Variants in CACHD1 observed in about 807,000 individuals in gnomAD.
CACHD1 encodes the protein VWFA and cache domain-containing protein 1.
In CACHD1, 71 loss-of-function variants were observed where a neutral mutation model predicts 138.7. That is an observed-to-expected ratio of 0.51 (90% confidence interval 0.42 to 0.62). The LOEUF (loss-of-function observed/expected upper bound fraction) is 0.62, where lower values mean the gene tolerates loss of function less well. Among genes scored for constraint, CACHD1 ranks in the 20% least tolerant of loss-of-function variants. CACHD1 has a pLI of 0.00. For missense variants in CACHD1, 1,389 were observed against 1,625.3 expected, an observed-to-expected ratio of 0.85 and a Z score of 2.50; for synonymous variants, 578 against 591.5, an observed-to-expected ratio of 0.98 and a Z score of 0.33.
intron 26 of CACHD1, among the ~76,000 whole-genome samples, chr1:64,686,151 C>T (rs1170015946): frequency 6.6e-6 from 1 of 152,174 alleles, no homozygotes. Context: ...GGCCCTTGAA[C>T]TGGTAGGATT....
rs776986730 is a variant in CACHD1 at position 64,582,198 on chromosome 1, G to A, written c.304G>A (p.Val102Met). Residue 102 changes from valine to methionine, a missense_variant, in exon 3 of 27, where the codon GTG (valine) becomes ATG (methionine). Physicochemically the swap from Val to Met is conservative, Grantham distance 21. Around this residue, in one of 5 missense-constraint regions of CACHD1, gnomAD observed 1,000 missense variants for 1,114.7 expected, o/e 0.90. Transcript: ENST00000651257. ...AGAGAAGTTCAACCGTTACTTGGAT[G>A]TGGTCAATCGGAACAAGCAAGTTGT... ...IREKFNRYLD[V>M]VNRNKQVVEA... 6 of 1,613,906 alleles carry A rather than the reference G, an allele frequency of 3.7e-6. No homozygotes were observed. The South Asian group carries it at 6.6e-5, about 18-fold the overall frequency.
intron 1 of CACHD1, among the ~76,000 whole-genome samples, chr1:64,548,077 A>G (rs969124942): frequency 6.6e-6 from 1 of 152,230 alleles, no homozygotes; most frequent in Non-Finnish European, 1.5e-5. Context: ...TTAAGATAAT[A>G]AATGAGTAAA....
At chr1:64,609,673 T>A (rs1037246151) in intron 4 of CACHD1, among the ~76,000 whole-genome samples, 50 of 152,208 alleles carry the variant, frequency 3.3e-4, no homozygotes, top group African/African-American at 1.2e-3. Flanking sequence ...ACACAACATA[T>A]GTATATAAAT....
intron 14 of CACHD1, chr1:64,664,152 G>T: frequency 2.2e-6 from 1 of 454,212 alleles, no homozygotes. Flanking sequence ...GAAGTAAAGT[G>T]CCCCTGCTGT....
chr1:64,626,751 G>A (rs1166708329), intron 4 of CACHD1, among the ~76,000 whole-genome samples: 1 of 152,148 alleles, frequency 6.6e-6, no homozygotes, highest in Non-Finnish European at 1.5e-5. Context: ...AGGGTCACAG[G>A]CATTCACTCA....
intron 3 of CACHD1, among the ~76,000 whole-genome samples, chr1:64,588,271 A>G (rs1029113294): frequency 6.6e-6 from 1 of 152,186 alleles, no homozygotes; most frequent in Admixed American, 6.5e-5. Flanking sequence ...CAAGTTTTAA[A>G]GAATATAACT....
At chr1:64,530,889 G>A (rs1191811664) in intron 1 of CACHD1, among the ~76,000 whole-genome samples, 12 of 143,014 alleles carry the variant, frequency 8.4e-5, no homozygotes, top group Admixed American at 2.1e-4. Flanking sequence ...AAAAGAAAAA[G>A]AATGAGCTCA....
chr1:64,522,065 C>T (rs1006576034), intron 1 of CACHD1, among the ~76,000 whole-genome samples: 6 of 152,164 alleles, frequency 3.9e-5, no homozygotes, highest in Admixed American at 3.3e-4. Flanking sequence ...CCTGTGATTT[C>T]TTCTAAAACT....
At position 64,537,569 on chromosome 1, in the gene CACHD1, A is replaced by G. The variant is rs189759601; in HGVS notation, c.199-13025A>G. Reference sequence around the variant, plus strand: ...CCAGTGTCATAGCTGGATCTTTAATACCACAGCCATTTCCTGAAAATGTAT... The same window carrying G: ...CCAGTGTCATAGCTGGATCTTTAATGCCACAGCCATTTCCTGAAAATGTAT... On this transcript the variant is annotated intron_variant, in intron 1 of 26. Transcript: ENST00000651257. 1.5e-3 allele frequency among the ~76,000 whole-genome samples: 223 copies of G among 152,284 alleles called. 3 individuals carry two copies. Among genetic ancestry groups the G allele is most frequent in the Admixed American group, 5.8e-3 (88 of 15,284 alleles).
At chr1:64,515,416 T>A (rs1353813099) in intron 1 of CACHD1, among the ~76,000 whole-genome samples, 3 of 152,232 alleles carry the variant, frequency 2.0e-5, no homozygotes, top group Non-Finnish European at 4.4e-5. Flanking sequence ...CTCAGATGTT[T>A]CCAGTATGAT....
intron 3 of CACHD1, among the ~76,000 whole-genome samples, chr1:64,584,752 T>C (rs1213075464): frequency 6.6e-6 from 1 of 152,202 alleles, no homozygotes; most frequent in Non-Finnish European, 1.5e-5. Flanking sequence ...TTAATTTTTA[T>C]ACTATTTGTT....
chr1:64,648,109 G>A, intron 9 of CACHD1, 75 bp downstream of exon 9: 3 of 1,148,282 alleles, frequency 2.6e-6, no homozygotes, highest in South Asian at 1.4e-5. Context: ...TCTTTCTCAG[G>A]ATCATAGGGT....
At chr1:64,685,291 A>T (rs1362243959) in intron 26 of CACHD1, among the ~76,000 whole-genome samples, 1 of 152,212 alleles carries the variant, frequency 6.6e-6, no homozygotes, top group East Asian at 1.9e-4. Context: ...AGGCTATGCC[A>T]TATAGCCGAG....
chr1:64,643,738 T>G (rs755978914), intron 8 of CACHD1, among the ~76,000 whole-genome samples: 4 of 152,234 alleles, frequency 2.6e-5, no homozygotes, highest in Non-Finnish European at 5.9e-5. Context: ...CTCGGGAAGC[T>G]GAGGCAGGAG....
chr1:64,683,912 A>G (rs1303035282), intron 26 of CACHD1, among the ~76,000 whole-genome samples: 1 of 152,236 alleles, frequency 6.6e-6, no homozygotes, highest in Non-Finnish European at 1.5e-5. Context: ...CCATTAAACA[A>G]GGAAATCTAA....
Position 64,665,954 on chromosome 1 carries a change from G to A in CACHD1, c.2277-103G>A, listed in dbSNP as rs192737660. The A allele has an allele frequency of 1.1e-3, 620 of 555,416 alleles. 10 individuals are homozygous for A. The Admixed American group carries it at 0.019, about 17-fold the overall frequency. 34.4% of individuals were successfully genotyped at this position (555,416 alleles called of 1,614,324 possible). ...CAGGAGGCGGAGCTTGCAGTGAGCT[G>A]AGATCGCACCACTGCACTCCAGCCT... On this transcript the variant is annotated intron_variant, in intron 15 of 26. Coordinates refer to ENST00000651257, the MANE Select transcript of CACHD1 (RefSeq NM_020925.4).
At position 64,688,829 on chromosome 1, in the gene CACHD1, G is replaced by A. The variant is rs893736427; in HGVS notation, c.3587-2494G>A. ...AGCCACCAGAGCCCTTCCAGCTGTT[G>A]TACCATTGCATGTGCTTGGGCCCTG... On this transcript the variant is annotated intron_variant, in intron 26 of 26. Coordinates refer to ENST00000651257, the MANE Select transcript of CACHD1 (RefSeq NM_020925.4). Among the ~76,000 whole-genome samples the A allele has an allele frequency of 2.0e-5, 3 of 147,074 alleles. No homozygotes were observed. The Admixed American group carries it at 2.0e-4, about 10-fold the overall frequency.
At chr1:64,635,418 T>C (rs1648487984) in intron 7 of CACHD1, among the ~76,000 whole-genome samples, 1 of 149,190 alleles carries the variant, frequency 6.7e-6, no homozygotes, top group Non-Finnish European at 1.5e-5. Context: ...GAGTCTCACT[T>C]TGTCACCCAG....
intron 1 of CACHD1, among the ~76,000 whole-genome samples, chr1:64,507,317 C>T (rs1383514215): frequency 6.6e-6 from 1 of 152,212 alleles, no homozygotes; most frequent in African/African-American, 2.4e-5. Context: ...GCCTGCCCCA[C>T]TATGTTATAC....
Sources: allele counts gnomAD v4.1 joint callset (sites outside exome capture counted in the v4.1 genomes callset), GRCh38; gene constraint gnomAD v4.1.1; regional missense constraint gnomAD v4.1.1; transcripts MANE v1.5; gene names NCBI Gene and HGNC (gene_info 2026-07-23, HGNC 2026-07-21).